The following CUX1 variants were observed in gnomAD, a reference collection of about 807,000 sequenced individuals.
CUX1 encodes the protein cut like homeobox 1, also known as protein CASP.
A neutral mutation model predicts 158.8 loss-of-function variants in CUX1; 31 were observed. The observed-to-expected ratio is 0.20, with a 90% CI of 0.15 to 0.26. The LOEUF (loss-of-function observed/expected upper bound fraction) is 0.26, where lower values mean the gene tolerates loss of function less well. Ranked by LOEUF, CUX1 falls within the 10% of genes least tolerant of loss-of-function variation. The pLI is 1.00. For synonymous variants in CUX1, 879 were observed against 862.1 expected (o/e 1.02, Z -0.34); for missense variants, 1,589 against 2,014.6 (o/e 0.79, Z 4.04).
intron 9 of CUX1, among the ~76,000 whole-genome samples, chr7:102,168,918 C>CTTTCT (rs1791381112): frequency 1.2e-5 from 1 of 84,134 alleles, no homozygotes. Context: ...CTTTTATTTT[C>CTTTCT]TTTTCTTTTC....
chr7:101,816,127 G>A, upstream of CUX1: 1 of 1,273,264 alleles, frequency 7.9e-7, no homozygotes, highest in South Asian at 1.4e-5. Context: ...TCGCGCCCGG[G>A]GGTGGGGGCT....
intron 2 of CUX1, among the ~76,000 whole-genome samples, chr7:102,004,718 G>A (rs1391855529): frequency 2.6e-5 from 4 of 152,018 alleles, no homozygotes; most frequent in African/African-American, 4.8e-5. Context: ...TTCCTTCCAC[G>A]TGGTCTGATT....
intron 6 of CUX1, among the ~76,000 whole-genome samples, chr7:102,105,248 C>T (rs183879095): frequency 1.1e-4 from 17 of 152,184 alleles, no homozygotes; most frequent in African/African-American, 2.2e-4. Context: ...TACACACACG[C>T]GCACACACAC....
At chr7:101,853,212 A>G (rs774734783) in intron 1 of CUX1, among the ~76,000 whole-genome samples, 1 of 152,092 alleles carries the variant, frequency 6.6e-6, no homozygotes, top group Non-Finnish European at 1.5e-5. Context: ...TAGTGTATTT[A>G]TTATGCTCTT....
intron 4 of CUX1, among the ~76,000 whole-genome samples, chr7:102,077,659 C>T (rs1826924701): frequency 6.6e-6 from 1 of 151,798 alleles, no homozygotes; most frequent in Non-Finnish European, 1.5e-5. Flanking sequence ...AAATAGGCAG[C>T]TTCTGTCCCT....
chr7:101,885,161 T>C (rs1197115893), intron 1 of CUX1, among the ~76,000 whole-genome samples: 1 of 152,218 alleles, frequency 6.6e-6, no homozygotes, highest in African/African-American at 2.4e-5. Flanking sequence ...GGAGGAATCT[T>C]CCAGTTCACT....
At position 102,029,605 on chromosome 7, in the gene CUX1, A is replaced by G. The variant is rs1180760872; in HGVS notation, c.189+1460A>G. Among the ~76,000 whole-genome samples the G allele has an allele frequency of 2.6e-5, 4 of 152,220 alleles. No individual in the cohort carries two copies. The East Asian group carries it at 7.7e-4, about 29-fold the overall frequency. ...TCAGGACATCAAAAGGGACCAGCGT[A>G]GAAAGAAGACACAGCAGTTGGTGAT... On this transcript the variant is annotated intron_variant, in intron 3 of 23. Coordinates refer to ENST00000292535, the MANE Select transcript of CUX1 (RefSeq NM_181552.4).
At chr7:101,866,452 G>T (rs1201723263) in intron 1 of CUX1, among the ~76,000 whole-genome samples, 1 of 151,826 alleles carries the variant, frequency 6.6e-6, no homozygotes, top group East Asian at 2.0e-4. Context: ...CTGGGTGACT[G>T]AGTGAGACGC....
intron 1 of CUX1, among the ~76,000 whole-genome samples, chr7:101,883,269 G>T (rs891160743): frequency 6.6e-6 from 1 of 152,174 alleles, no homozygotes; most frequent in Non-Finnish European, 1.5e-5. Flanking sequence ...TCCGAATGTG[G>T]AATGTTGCCA....
intron 3 of CUX1, among the ~76,000 whole-genome samples, chr7:102,046,206 AC>A (rs1357975875): frequency 1.3e-5 from 2 of 152,118 alleles, no homozygotes; most frequent in Admixed American, 6.5e-5. Flanking sequence ...CAGAGCTGGC[AC>A]CCCGGGAAAC....
At chr7:101,898,986 C>G (rs999152156) in intron 1 of CUX1, among the ~76,000 whole-genome samples, 1 of 152,230 alleles carries the variant, frequency 6.6e-6, no homozygotes, top group African/African-American at 2.4e-5. Flanking sequence ...AGAGCCCCGT[C>G]CACTGGCGGC....
At chr7:102,183,309 C>G (rs557702292) in intron 11 of CUX1, among the ~76,000 whole-genome samples, 248 of 152,188 alleles carry the variant, frequency 1.6e-3, no homozygotes, top group African/African-American at 5.8e-3. Context: ...CCATCGCGCC[C>G]GGCCCCATCT....
chr7:101,959,881 A>T (rs1237937001), intron 2 of CUX1, among the ~76,000 whole-genome samples: 1 of 152,082 alleles, frequency 6.6e-6, no homozygotes, highest in Non-Finnish European at 1.5e-5. Flanking sequence ...TTGACTCTTT[A>T]TAGGGTAATA....
Position 102,250,372 on chromosome 7 carries a change from C to T in CUX1, c.*1330C>T, listed in dbSNP as rs1423710748. The T allele has an allele frequency of 2.0e-6, 2 of 985,500 alleles. No homozygotes were observed. The highest frequency in any genetic ancestry group is 1.1e-4 in the East Asian group (1 of 8,828). The allele number at this position is 985,500 out of a possible 1,614,324, so 61.0% of individuals were successfully genotyped here. A position where few individuals can be genotyped will look rare whatever the true frequency, so the allele number is the denominator to read the frequency against. On this transcript the variant is annotated 3_prime_UTR_variant, in exon 24 of 24. Transcript: ENST00000292535. ...CTCTCTGGCACAGAAGGCACCTCAC[C>T]TCACACCACTCTCCTGGATACCTGA...
intron 1 of CUX1, among the ~76,000 whole-genome samples, chr7:101,875,149 G>T (rs1798996912): frequency 6.6e-6 from 1 of 152,172 alleles, no homozygotes; most frequent in African/African-American, 2.4e-5. Flanking sequence ...GGAGTAAAGT[G>T]AGGTTTAGAA....
chr7:102,252,440 C>G lies in CUX1; in HGVS notation c.*3398C>G. 1.0e-6 allele frequency: 1 copy of G among 985,472 alleles called. No individual in the cohort carries two copies. The highest frequency in any genetic ancestry group is 1.2e-6 in the Non-Finnish European group (1 of 829,952). The allele number at this position is 985,472 out of a possible 1,614,324, so 61.0% of individuals were successfully genotyped here. A position where few individuals can be genotyped will look rare whatever the true frequency, so the allele number is the denominator to read the frequency against. On this transcript the variant is annotated 3_prime_UTR_variant, in exon 24 of 24. Transcript: ENST00000292535. ...TTAAAAAGCTGATTTGTACCTCTCC[C>G]CTGGGGGAAACGGTTCCATATAAAA...
chr7:102,158,644 A>C, intron 9 of CUX1, 36 bp downstream of exon 9: 1 of 1,602,492 alleles, frequency 6.2e-7, no homozygotes, highest in Non-Finnish European at 8.5e-7. Context: ...TAAAACCCAC[A>C]ATAGCGGGCC....
At chr7:101,842,674 C>T (rs1201428576) in intron 1 of CUX1, among the ~76,000 whole-genome samples, 1 of 152,054 alleles carries the variant, frequency 6.6e-6, no homozygotes, top group African/African-American at 2.4e-5. Flanking sequence ...GTGTGAGCCA[C>T]CATGCTGGGC....
intron 2 of CUX1, among the ~76,000 whole-genome samples, chr7:101,924,812 C>T (rs541486001): frequency 9.3e-5 from 14 of 150,846 alleles, no homozygotes; most frequent in East Asian, 1.9e-4. Context: ...TGGGCTCAAG[C>T]GATCCTCCCA....
Sources: allele counts gnomAD v4.1 joint callset (sites outside exome capture counted in the v4.1 genomes callset), GRCh38; gene constraint gnomAD v4.1.1; transcripts MANE v1.5; gene names NCBI Gene and HGNC (gene_info 2026-07-23, HGNC 2026-07-21).